The following FBXL7 variants were observed in gnomAD, a reference collection of about 807,000 sequenced individuals.
The protein encoded by FBXL7 is F-box and leucine rich repeat protein 7.
In FBXL7, 12 loss-of-function variants were observed where a neutral mutation model predicts 38.3. The ratio of observed to expected loss-of-function variants is 0.31; its 90% CI spans 0.20 to 0.51. The LOEUF is 0.51. Ranked by LOEUF, FBXL7 falls within the 20% of genes least tolerant of loss-of-function variation. The probability of loss-of-function intolerance (pLI) is 0.98; values close to 1 mark genes in which losing one functional copy is unlikely to be tolerated. For missense variants in FBXL7, 567 were observed against 676.4 expected (o/e 0.84, Z 1.79); for synonymous variants, 297 against 300.9 (o/e 0.99, Z 0.13).
chr5:15,850,348 T>C (rs910809010), intron 2 of FBXL7, among the ~76,000 whole-genome samples: 2 of 152,238 alleles, frequency 1.3e-5, no homozygotes, highest in African/African-American at 4.8e-5. Context: ...TCTTTCCCAG[T>C]TGGGCTCTAA....
chr5:15,795,992 C>T (rs1227812595), intron 2 of FBXL7, among the ~76,000 whole-genome samples: 1 of 152,156 alleles, frequency 6.6e-6, no homozygotes, highest in African/African-American at 2.4e-5. Context: ...TCTATTTTGT[C>T]CTATATATTT....
intron 1 of FBXL7, among the ~76,000 whole-genome samples, chr5:15,566,522 A>G (rs1012626243): frequency 1.3e-4 from 20 of 152,132 alleles, no homozygotes; most frequent in African/African-American, 4.8e-4. Flanking sequence ...GCGTGATTGC[A>G]GGGGACATGA....
At chr5:15,764,708 G>T (rs1333889705) in intron 2 of FBXL7, among the ~76,000 whole-genome samples, 1 of 152,240 alleles carries the variant, frequency 6.6e-6, no homozygotes, top group East Asian at 1.9e-4. Flanking sequence ...CATCTGTGAT[G>T]AAGGCCACTA....
rs1413805896 is a variant in FBXL7, at chr5:15,833,365, GC to G, written c.128-94522del. On this transcript the variant is annotated intron_variant, in intron 2 of 3. Coordinates refer to ENST00000504595, the MANE Select transcript of FBXL7 (RefSeq NM_012304.5). ...CACTCGTCTCATTCATGAGGTCAGA[GC>G]CCTCATAACCTAATCACTTTCCAAA... 2.6e-5 allele frequency among the ~76,000 whole-genome samples: 4 copies of G among 152,124 alleles called. No homozygotes were observed. In the East Asian group the frequency reaches 5.8e-4, roughly 22 times the overall value.
At chr5:15,764,578 G>A (rs535942252) in intron 2 of FBXL7, among the ~76,000 whole-genome samples, 2 of 152,300 alleles carry the variant, frequency 1.3e-5, no homozygotes, top group Non-Finnish European at 2.9e-5. Flanking sequence ...TCCGAGGGGG[G>A]CTTAAGAACA....
intron 2 of FBXL7, among the ~76,000 whole-genome samples, chr5:15,617,445 T>A (rs1740492842): frequency 6.6e-6 from 1 of 150,656 alleles, no homozygotes; most frequent in Admixed American, 6.6e-5. Context: ...ATTTATTTAT[T>A]TATTTATTTA....
At chr5:15,920,435 A>G (rs1741709343) in intron 2 of FBXL7, among the ~76,000 whole-genome samples, 1 of 152,184 alleles carries the variant, frequency 6.6e-6, no homozygotes, top group South Asian at 2.1e-4. Flanking sequence ...ACTGAATTTT[A>G]ATGCCAAATG....
At chr5:15,511,190 TC>T (rs1736787471) in intron 1 of FBXL7, among the ~76,000 whole-genome samples, 1 of 152,212 alleles carries the variant, frequency 6.6e-6, no homozygotes, top group African/African-American at 2.4e-5. Flanking sequence ...CTCATTTTGT[TC>T]CCTTTCCAAA....
chr5:15,799,479 C>T (rs939547474), intron 2 of FBXL7, among the ~76,000 whole-genome samples: 3 of 151,112 alleles, frequency 2.0e-5, no homozygotes, highest in Admixed American at 1.3e-4. Flanking sequence ...CTCCCTACCT[C>T]AGCCTCCCGA....
chr5:15,787,487 G>A (rs1401177835), intron 2 of FBXL7, among the ~76,000 whole-genome samples: 3 of 152,122 alleles, frequency 2.0e-5, no homozygotes, highest in African/African-American at 7.2e-5. Flanking sequence ...AGGATTCAGG[G>A]ATACTATTGG....
At chr5:15,808,825 T>C (rs946958344) in intron 2 of FBXL7, among the ~76,000 whole-genome samples, 1 of 152,150 alleles carries the variant, frequency 6.6e-6, no homozygotes, top group African/African-American at 2.4e-5. Flanking sequence ...GACTCGTGAG[T>C]TCATGTAGGC....
chr5:15,517,964 G>GT (rs1040071613), intron 1 of FBXL7, among the ~76,000 whole-genome samples: 20 of 152,036 alleles, frequency 1.3e-4, no homozygotes, highest in African/African-American at 3.9e-4. Context: ...CAGGTTCAGT[G>GT]TTTTTTTGTG....
chr5:15,822,985 C>T (rs1037358058), intron 2 of FBXL7, among the ~76,000 whole-genome samples: 54 of 152,100 alleles, frequency 3.6e-4, no homozygotes, highest in Admixed American at 1.2e-3. Context: ...ATTCCAGGGA[C>T]CACTGAGATA....
chr5:15,877,780 C>G (rs1561168397), intron 2 of FBXL7, among the ~76,000 whole-genome samples: 1 of 152,112 alleles, frequency 6.6e-6, no homozygotes, highest in African/African-American at 2.4e-5. Context: ...TTTTGCGGGT[C>G]TGATCACCTG....
Position 15,936,867 on chromosome 5 carries a change from G to A in FBXL7, c.1157G>A (p.Cys386Tyr). ...CTGCGCTACCTCAACGCGAGGGGCT[G>A]CGAGGGCATCACGGACCACGGTGTG... Reference protein sequence around the residue: ...SKLRYLNARGCEGITDHGVEY... With the variant: ...SKLRYLNARGYEGITDHGVEY... Residue 386 changes from cysteine to tyrosine, a missense_variant, in exon 4 of 4, where the codon TGC becomes TAC. By Grantham distance (194) the Cys-to-Tyr change is radical (BLOSUM62 -2). Coordinates refer to ENST00000504595, the MANE Select transcript of FBXL7 (RefSeq NM_012304.5). The surrounding 1 kb of genome is among the most constrained non-coding windows in gnomAD (Gnocchi z 6.0). 1 of 1,613,980 alleles carries A rather than the reference G, an allele frequency of 6.2e-7. No homozygotes were observed. The highest frequency in any genetic ancestry group is 8.5e-7 in the Non-Finnish European group (1 of 1,179,856).
intron 2 of FBXL7, among the ~76,000 whole-genome samples, chr5:15,881,203 A>G (rs1361478856): frequency 6.6e-6 from 1 of 151,992 alleles, no homozygotes; most frequent in Non-Finnish European, 1.5e-5. Flanking sequence ...CAAGTCTCCA[A>G]AGTTCATTGT....
rs1386197444 is a variant in FBXL7, at chr5:15,928,508, G to A, written c.739+7G>A. ...GAGCACCTGGATGTGTCAGGTAAAT[G>A]GACACTGACCTACCAGCTATGGGCC... On this transcript the variant is annotated splice_region_variant and intron_variant, in intron 3 of 3. Coordinates refer to ENST00000504595, the MANE Select transcript of FBXL7 (RefSeq NM_012304.5). This position sits in a 1 kb window ranked among gnomAD's most constrained non-coding sequence, Gnocchi z 4.0. The A allele has an allele frequency of 6.2e-7, 1 of 1,604,128 alleles. No individual in the cohort carries two copies. Among genetic ancestry groups the A allele is most frequent in the African/African-American group, 1.3e-5 (1 of 74,790 alleles).
intron 2 of FBXL7, among the ~76,000 whole-genome samples, chr5:15,661,431 T>TATTGACTAG (rs1742065963): frequency 6.6e-6 from 1 of 152,178 alleles, no homozygotes. Flanking sequence ...TTCTGTGTAA[T>TATTGACTAG]ATTGACTAGA....
rs531582161 is a variant in FBXL7 at position 15,740,154 on chromosome 5, A to C, written c.127+124082A>C. 4.6e-5 allele frequency among the ~76,000 whole-genome samples: 7 copies of C among 152,296 alleles called. No homozygotes were observed. In the South Asian group the frequency reaches 1.4e-3, roughly 32 times the overall value. On this transcript the variant is annotated intron_variant, in intron 2 of 3. Transcript: ENST00000504595. The stretch of plus-strand genomic sequence containing the variant: ...GTCCAAAGTATGGGAAGAATACCCC[A>C]TAACTGCTTTCTTAGGTCATGGAGA...
Sources: allele counts gnomAD v4.1 joint callset (sites outside exome capture counted in the v4.1 genomes callset), GRCh38; gene constraint gnomAD v4.1.1; non-coding constraint Gnocchi (gnomAD v3.1); transcripts MANE v1.5; gene names NCBI Gene and HGNC (gene_info 2026-07-23, HGNC 2026-07-21).